Variants in HOMER1 observed in about 807,000 individuals in gnomAD.
HOMER1 encodes the protein homer scaffold protein 1.
HOMER1 carries 3 observed loss-of-function variants against 48.9 expected under a neutral mutation model. The observed-to-expected ratio is 0.06, with a 90% confidence interval of 0.03 to 0.16. HOMER1 has a LOEUF of 0.16. Ranked by LOEUF, HOMER1 falls within the 10% of genes least tolerant of loss-of-function variation. The pLI, the probability that HOMER1 is intolerant of heterozygous loss-of-function variation, is 1.00. For synonymous variants in HOMER1, 134 were observed against 146.4 expected (o/e 0.92, Z 0.61); for missense variants, 247 against 411.4 (o/e 0.60, Z 3.46).
intron 3 of HOMER1, 50 bp downstream of exon 3, chr5:79,450,940 A>C (rs372920504): frequency 7.7e-6 from 12 of 1,561,358 alleles, no homozygotes; most frequent in Non-Finnish European, 1.1e-5. Context: ...TATTTAAGAT[A>C]TACGACTTGA....
At chr5:79,471,347 A>AC (rs1751609378) in intron 1 of HOMER1, among the ~76,000 whole-genome samples, 1 of 151,764 alleles carries the variant, frequency 6.6e-6, no homozygotes, top group Non-Finnish European at 1.5e-5. Context: ...GGAGTTCAAG[A>AC]CAGCCTGACC....
chr5:79,479,861 G>A (rs1482144812), intron 1 of HOMER1, among the ~76,000 whole-genome samples: 6 of 152,030 alleles, frequency 3.9e-5, no homozygotes, highest in Admixed American at 1.3e-4. Flanking sequence ...TAGAATTACC[G>A]AAAACCAGCA....
chr5:79,468,857 A>G (rs1412865043), intron 1 of HOMER1, among the ~76,000 whole-genome samples: 1 of 152,186 alleles, frequency 6.6e-6, no homozygotes, highest in Non-Finnish European at 1.5e-5. Context: ...CCAATTTTGG[A>G]CATGAAATGG....
At chr5:79,431,925 TAC>T (rs751733617) in intron 5 of HOMER1, among the ~76,000 whole-genome samples, 1 of 152,222 alleles carries the variant, frequency 6.6e-6, no homozygotes, top group Non-Finnish European at 1.5e-5. Flanking sequence ...ATCCAATCTT[TAC>T]AGAGATTTCT....
At chr5:79,379,252 C>CTATTATATATATTATATATTATATA (rs1748886758) in intron 8 of HOMER1, among the ~76,000 whole-genome samples, 1 of 52,586 alleles carries the variant, frequency 1.9e-5, no homozygotes, top group South Asian at 5.9e-4. Context: ...TTATATATAT[C>CTATTATATATATTATATATTATATA]TATTATATAT....
chr5:79,468,668 T>C (rs867964285), intron 1 of HOMER1, among the ~76,000 whole-genome samples: 1 of 152,220 alleles, frequency 6.6e-6, no homozygotes, highest in South Asian at 2.1e-4. Flanking sequence ...CAAAATAGCA[T>C]TACAAACAAT....
Position 79,373,063 on chromosome 5 carries a change from G to A in HOMER1, c.*2946C>T, listed in dbSNP as rs925902677. The A allele has an allele frequency of 7.9e-5, 12 of 152,102 alleles. No homozygotes were observed. The highest frequency in any genetic ancestry group is 1.3e-4 in the Admixed American group (2 of 15,258). 9.4% of individuals were successfully genotyped at this position (152,102 alleles called of 1,614,324 possible). On this transcript the variant is annotated 3_prime_UTR_variant, in exon 9 of 9. Transcript: ENST00000334082. ...AAAGTGGAAAAGAGAAAGAGAGAGAGAGGAGAACAAAAACTAATTTTCCAG... is the reference window on the plus strand; with the variant it reads ...AAAGTGGAAAAGAGAAAGAGAGAGAAAGGAGAACAAAAACTAATTTTCCAG...
At chr5:79,507,323 T>C (rs953520240) in intron 1 of HOMER1, among the ~76,000 whole-genome samples, 1 of 151,504 alleles carries the variant, frequency 6.6e-6, no homozygotes, top group Non-Finnish European at 1.5e-5. Flanking sequence ...TTCTTCTAGA[T>C]GGTAGATGGG....
At chr5:79,435,805 T>C (rs7730966) in intron 5 of HOMER1, among the ~76,000 whole-genome samples, 8,475 of 150,970 alleles carry the variant, frequency 0.056, 753 homozygotes, top group African/African-American at 0.19. Flanking sequence ...CACTCCAGCC[T>C]GGGCAACAGA....
At chr5:79,499,458 T>C (rs1422805415) in intron 1 of HOMER1, among the ~76,000 whole-genome samples, 1 of 152,198 alleles carries the variant, frequency 6.6e-6, no homozygotes, top group African/African-American at 2.4e-5. Flanking sequence ...CAATAATGTT[T>C]TATAATTGAT....
At chr5:79,452,756 T>A (rs4481338) in intron 2 of HOMER1, among the ~76,000 whole-genome samples, 49,652 of 152,010 alleles carry the variant, frequency 0.33, 8,581 homozygotes, top group African/African-American at 0.44. Flanking sequence ...CACTGTTATA[T>A]GAGAGCCCTT....
chr5:79,396,957 G>T, intron 7 of HOMER1, 54 bp from the exon 8 acceptor site: 1 of 964,598 alleles, frequency 1.0e-6, no homozygotes, highest in Non-Finnish European at 1.6e-6. Flanking sequence ...GGCAAGGGAA[G>T]GTCTTGTTTT....
At chr5:79,502,021 A>ATTTTTT (rs10674187) in intron 1 of HOMER1, among the ~76,000 whole-genome samples, 3 of 130,048 alleles carry the variant, frequency 2.3e-5, no homozygotes, top group African/African-American at 5.8e-5. Flanking sequence ...GGTCCTGATA[A>ATTTTTT]TTTTTTTTTT....
chr5:79,438,678 C>A (rs148969903), intron 5 of HOMER1, among the ~76,000 whole-genome samples: 31 of 152,184 alleles, frequency 2.0e-4, no homozygotes, highest in Non-Finnish European at 3.1e-4. Context: ...ATAAAGGAGG[C>A]CTTTTAGAGG....
intron 8 of HOMER1, among the ~76,000 whole-genome samples, chr5:79,384,288 C>G (rs1291491025): frequency 6.6e-6 from 1 of 151,746 alleles, no homozygotes; most frequent in Non-Finnish European, 1.5e-5. Flanking sequence ...AGAGGAAAAA[C>G]CCAAATAAAC....
chr5:79,437,360 T>G (rs985134688), intron 5 of HOMER1, among the ~76,000 whole-genome samples: 2 of 152,154 alleles, frequency 1.3e-5, no homozygotes, highest in Admixed American at 1.3e-4. Context: ...GGAAGAAAAT[T>G]TTTCCTTTCC....
At chr5:79,501,840 T>C (rs1752601549) in intron 1 of HOMER1, among the ~76,000 whole-genome samples, 1 of 152,100 alleles carries the variant, frequency 6.6e-6, no homozygotes, top group Non-Finnish European at 1.5e-5. Context: ...TACAGTTTAG[T>C]GCTAATACTC....
chr5:79,450,418 C>T (rs1324717706), intron 3 of HOMER1, among the ~76,000 whole-genome samples: 1 of 152,120 alleles, frequency 6.6e-6, no homozygotes, highest in Non-Finnish European at 1.5e-5. Context: ...CAATATTTAG[C>T]CTGGTGATGC....
At chr5:79,401,180 A>C (rs1350186127) in intron 6 of HOMER1, among the ~76,000 whole-genome samples, 1 of 152,124 alleles carries the variant, frequency 6.6e-6, no homozygotes, top group Non-Finnish European at 1.5e-5. Context: ...AAAGCAGCTC[A>C]TTGACTCACT....
Sources: allele counts gnomAD v4.1 joint callset (sites outside exome capture counted in the v4.1 genomes callset), GRCh38; gene constraint gnomAD v4.1.1; transcripts MANE v1.5; gene names NCBI Gene and HGNC (gene_info 2026-07-23, HGNC 2026-07-21).